The following PRKN variants were observed in gnomAD, a reference collection of about 807,000 sequenced individuals.
PRKN encodes parkin RBR E3 ubiquitin protein ligase, also known as E3 ubiquitin-protein ligase parkin.
In PRKN, 56 loss-of-function variants were observed where a neutral mutation model predicts 59.5. That is an observed-to-expected ratio of 0.94 (90% CI 0.76 to 1.18). The LOEUF (loss-of-function observed/expected upper bound fraction) is 1.18. Among genes scored for constraint, PRKN ranks in the 50% most tolerant of loss-of-function variants. PRKN has a pLI of 0.00. For synonymous variants in PRKN, 250 were observed against 222.1 expected (o/e 1.13, Z -1.12); for missense variants, 657 against 596.4 (o/e 1.10, Z -1.06).
In PRKN at chr6:162,665,355, G is replaced by A. The variant is rs542490213; in HGVS notation, c.7+62307C>T. On this transcript the variant is annotated intron_variant, in intron 1 of 11. Coordinates refer to ENST00000366898, the MANE Select transcript of PRKN (RefSeq NM_004562.3). ...CAAAGTCTCAGGATACAAAATCAAT[G>A]TGCAAAAATCACAAGAATTCCTTTA... 1.1e-4 allele frequency among the ~76,000 whole-genome samples: 16 copies of A among 152,082 alleles called. 2 individuals carry two copies. In the South Asian group the frequency reaches 2.7e-3, roughly 26 times the overall value.
At chr6:161,924,752 G>C (rs1778904450) in intron 6 of PRKN, among the ~76,000 whole-genome samples, 1 of 152,208 alleles carries the variant, frequency 6.6e-6, no homozygotes, top group Non-Finnish European at 1.5e-5. Context: ...TAAAAAAAAT[G>C]AGGGAATTAA....
intron 7 of PRKN, among the ~76,000 whole-genome samples, chr6:161,731,988 G>C (rs1411313760): frequency 6.6e-6 from 1 of 151,722 alleles, no homozygotes; most frequent in Non-Finnish European, 1.5e-5. Context: ...ACATGTGCAG[G>C]TTTGTTACAC....
chr6:161,592,527 G>A lies in PRKN; in HGVS notation c.872-23111C>T, dbSNP rs1007441612. On this transcript the variant is annotated intron_variant, in intron 7 of 11. Coordinates refer to ENST00000366898, the MANE Select transcript of PRKN (RefSeq NM_004562.3). The surrounding 1 kb of genome is among the most constrained non-coding windows in gnomAD (Gnocchi z 4.8). ...GCACAAAATCCAAATGCCAGGAACT[G>A]GTCTAGATAAGAGGAATACAGACGA... 6.6e-6 allele frequency among the ~76,000 whole-genome samples: 1 copy of A among 152,058 alleles called. No individual in the cohort carries two copies. The highest frequency in any genetic ancestry group is 1.5e-5 in the Non-Finnish European group (1 of 68,036).
intron 1 of PRKN, among the ~76,000 whole-genome samples, chr6:162,477,366 T>TG (rs1368128093): frequency 6.6e-6 from 1 of 152,134 alleles, no homozygotes; most frequent in African/African-American, 2.4e-5. Context: ...CGCTGATGAA[T>TG]GTTACCTCCT....
chr6:162,264,417 C>T (rs1197343657), intron 2 of PRKN, among the ~76,000 whole-genome samples: 1 of 152,070 alleles, frequency 6.6e-6, no homozygotes, highest in Non-Finnish European at 1.5e-5. Context: ...GATGCCCTTC[C>T]CTGCTGCTTT....
intron 9 of PRKN, among the ~76,000 whole-genome samples, chr6:161,519,874 GA>G (rs1778755837): frequency 6.6e-6 from 1 of 151,438 alleles, no homozygotes; most frequent in Non-Finnish European, 1.5e-5. Flanking sequence ...ACCAGAAGAA[GA>G]ACACATTGTC....
intron 5 of PRKN, among the ~76,000 whole-genome samples, chr6:162,018,185 C>T (rs1227657697): frequency 6.6e-6 from 1 of 152,130 alleles, no homozygotes; most frequent in Non-Finnish European, 1.5e-5. Context: ...CATCGCCATG[C>T]CCGGCTAATT....
At chr6:162,261,217 A>G (rs369777142) in intron 3 of PRKN, among the ~76,000 whole-genome samples, 3 of 152,178 alleles carry the variant, frequency 2.0e-5, no homozygotes, top group East Asian at 3.9e-4. Context: ...AGACACCCTT[A>G]CAAATGGAGA....
At chr6:162,029,049 A>C (rs753255353) in intron 5 of PRKN, among the ~76,000 whole-genome samples, 19 of 152,284 alleles carry the variant, frequency 1.2e-4, no homozygotes, top group Non-Finnish European at 2.1e-4. Flanking sequence ...TCAACCATTA[A>C]AGTGACTGTA....
At chr6:162,360,542 T>C (rs1418280087) in intron 2 of PRKN, among the ~76,000 whole-genome samples, 1 of 152,176 alleles carries the variant, frequency 6.6e-6, no homozygotes, top group Non-Finnish European at 1.5e-5. Context: ...TTTCTTCTTT[T>C]TTAAATATTA....
At chr6:161,936,787 TA>T (rs776015889) in intron 6 of PRKN, among the ~76,000 whole-genome samples, 459 of 125,814 alleles carry the variant, frequency 3.6e-3, no homozygotes, top group Admixed American at 8.3e-3. Flanking sequence ...TTTTGTTTCA[TA>T]TTTTTTTTTT....
intron 1 of PRKN, among the ~76,000 whole-genome samples, chr6:162,547,980 AAGTC>A (rs1438475452): frequency 6.6e-6 from 1 of 152,164 alleles, no homozygotes. Flanking sequence ...CAAGGACACA[AAGTC>A]AGCAGGGATC....
intron 7 of PRKN, among the ~76,000 whole-genome samples, chr6:161,741,479 C>T: frequency 6.6e-6 from 1 of 152,164 alleles, no homozygotes; most frequent in East Asian, 1.9e-4. Flanking sequence ...GTGGCAAAGT[C>T]TCCCTGGGGA....
At chr6:162,186,502 CT>C (rs1354234671) in intron 4 of PRKN, among the ~76,000 whole-genome samples, 1 of 151,992 alleles carries the variant, frequency 6.6e-6, no homozygotes, top group Non-Finnish European at 1.5e-5. Context: ...AAGAAAAGGG[CT>C]TCTATGGAAA....
intron 5 of PRKN, among the ~76,000 whole-genome samples, chr6:162,041,664 C>A (rs541779707): frequency 1.3e-5 from 2 of 152,250 alleles, no homozygotes; most frequent in African/African-American, 2.4e-5. Context: ...GAAGAAAATG[C>A]GGTGAAATCA....
chr6:161,381,561 A>G (rs934710821), intron 10 of PRKN, among the ~76,000 whole-genome samples: 6 of 152,334 alleles, frequency 3.9e-5, no homozygotes, highest in Non-Finnish European at 8.8e-5. Context: ...CTAATTTAGG[A>G]GGCAGATGGA....
At chr6:161,622,083 G>A (rs1378840631) in intron 7 of PRKN, among the ~76,000 whole-genome samples, 3 of 152,000 alleles carry the variant, frequency 2.0e-5, no homozygotes, top group African/African-American at 7.3e-5. Context: ...CCAACTCCTC[G>A]CACCTCCTTT....
chr6:162,522,591 T>C (rs1304129967), intron 1 of PRKN, among the ~76,000 whole-genome samples: 1 of 152,192 alleles, frequency 6.6e-6, no homozygotes, highest in Admixed American at 6.5e-5. Context: ...TCCAATGAAT[T>C]TGCTACGTAG....
chr6:162,581,456 T>C (rs948930468), intron 1 of PRKN, among the ~76,000 whole-genome samples: 2 of 152,318 alleles, frequency 1.3e-5, no homozygotes, highest in Middle Eastern at 3.4e-3. Flanking sequence ...GATCTTCATA[T>C]ACAAAGACAA....
Sources: gnomAD v4.1 joint callset for allele counts (sites outside exome capture counted in the v4.1 genomes callset) on GRCh38, gnomAD v4.1.1 for gene constraint, Gnocchi (gnomAD v3.1) non-coding constraint, MANE v1.5 for transcripts, NCBI Gene and HGNC (gene_info 2026-07-23, HGNC 2026-07-21) for gene names.